The following KCNN2 variants were observed in gnomAD, a reference collection of about 807,000 sequenced individuals.
KCNN2 encodes the protein small conductance calcium-activated potassium channel protein 2.
Under a neutral mutation model 55.5 loss-of-function variants are expected in KCNN2, and 24 were observed. The ratio of observed to expected loss-of-function variants is 0.43; its 90% CI spans 0.31 to 0.61. The LOEUF (loss-of-function observed/expected upper bound fraction) is 0.61, where lower values mean the gene tolerates loss of function less well. KCNN2 is among the 20% of genes least tolerant of loss of function. The pLI is 0.08. For missense variants in KCNN2, 754 were observed against 853.6 expected (o/e 0.88, Z 1.45); for synonymous variants, 431 against 336.1 (o/e 1.28, Z -3.09).
chr5:114,155,143 G>A lies in KCNN2; in HGVS notation c.-270-66337G>A, dbSNP rs892255588. The stretch of plus-strand genomic sequence containing the variant: ...ACTAAGTGAGAACATGTGGTATTTG[G>A]TTTTCTGTTCCTGTGTTATTTCGCT... On this transcript the variant is annotated intron_variant, in intron 1 of 10. Coordinates refer to the KCNN2 transcript ENST00000512097. 6.6e-5 allele frequency among the ~76,000 whole-genome samples: 10 copies of A among 151,686 alleles called. No homozygotes were observed. The South Asian group carries it at 1.0e-3, about 16-fold the overall frequency.
At chr5:114,263,275 A>G (rs72799614) in intron 2 of KCNN2, among the ~76,000 whole-genome samples, 7,438 of 152,302 alleles carry the variant, frequency 0.049, 243 homozygotes, top group Admixed American at 0.082. Flanking sequence ...GAAACCTGAG[A>G]GACATTCCAT....
intron 2 of KCNN2, among the ~76,000 whole-genome samples, chr5:114,312,376 A>T (rs1421199074): frequency 2.9e-5 from 4 of 137,558 alleles, no homozygotes; most frequent in Non-Finnish European, 6.2e-5. Context: ...CTGTGAAATA[A>T]AAAAGGAGAT....
chr5:114,156,767 T>TC (rs1331785549), intron 1 of KCNN2, among the ~76,000 whole-genome samples: 1 of 152,006 alleles, frequency 6.6e-6, no homozygotes, highest in African/African-American at 2.4e-5. Context: ...CTCTTTTTTT[T>TC]CCTAAATTCA....
intron 1 of KCNN2, among the ~76,000 whole-genome samples, chr5:114,218,520 G>A (rs1464835751): frequency 6.6e-6 from 1 of 152,168 alleles, no homozygotes; most frequent in Non-Finnish European, 1.5e-5. Flanking sequence ...TTCTAGCTAT[G>A]TGACATTATG....
chr5:114,478,781 G>T lies in KCNN2; in HGVS notation c.1890+5617G>T, dbSNP rs560139334. 2.0e-5 allele frequency among the ~76,000 whole-genome samples: 3 copies of T among 152,200 alleles called. No homozygotes were observed. In the East Asian group the frequency reaches 5.8e-4, roughly 29 times the overall value. ...TAAAGAATTTCCAACCTAGAATTTC[G>T]TTATCTGGCCAAACTAAGCTTCGTA... On this transcript the variant is annotated intron_variant, in intron 5 of 7. Coordinates refer to ENST00000673685, the MANE Select transcript of KCNN2 (RefSeq NM_021614.4).
intron 2 of KCNN2, among the ~76,000 whole-genome samples, chr5:114,270,184 A>C (rs1414600106): frequency 6.6e-6 from 1 of 152,240 alleles, no homozygotes; most frequent in Middle Eastern, 3.2e-3. Context: ...ATAAATAATC[A>C]TATGAGCTCT....
chr5:114,151,549 A>G (rs1403609507), intron 1 of KCNN2, among the ~76,000 whole-genome samples: 1 of 136,478 alleles, frequency 7.3e-6, no homozygotes, highest in Non-Finnish European at 1.5e-5. Context: ...GATGTCCCAG[A>G]AAAAAAAAAA....
chr5:114,141,892 C>T (rs1362391564), intron 1 of KCNN2, among the ~76,000 whole-genome samples: 2 of 152,282 alleles, frequency 1.3e-5, no homozygotes, highest in African/African-American at 4.8e-5. Flanking sequence ...TGATGATGAG[C>T]GTTTTTTCAT....
rs187331498 is a variant in KCNN2 at position 114,400,863 on chromosome 5, T to C, written c.1219-3575T>C. Among the ~76,000 whole-genome samples, 317 of 152,344 alleles carry C rather than the reference T, an allele frequency of 2.1e-3. 1 individual carries two copies. Among genetic ancestry groups the C allele is most frequent in the Non-Finnish European group, 3.6e-3 (248 of 68,030 alleles). On this transcript the variant is annotated intron_variant, in intron 2 of 7. Coordinates refer to ENST00000673685, the MANE Select transcript of KCNN2 (RefSeq NM_021614.4). ...TTTTTCCTGATGACCACATCTACTGTCATCTCTAATGCATTATTCTCTATT... is the reference window on the plus strand; with the variant it reads ...TTTTTCCTGATGACCACATCTACTGCCATCTCTAATGCATTATTCTCTATT...
intron 1 of KCNN2, among the ~76,000 whole-genome samples, chr5:114,150,301 T>C (rs1468679785): frequency 6.6e-6 from 1 of 152,114 alleles, no homozygotes; most frequent in Admixed American, 6.6e-5. Context: ...AAAACAGAGA[T>C]ATAGACCAAT....
chr5:114,199,848 A>C (rs6594794), intron 1 of KCNN2, among the ~76,000 whole-genome samples: 149,825 of 152,172 alleles, frequency 0.98, 73,816 homozygotes, highest in Middle Eastern at 1. Context: ...TCTCTTTGAG[A>C]CTGTAAAGTT....
At chr5:114,464,773 T>TAAAAG (rs1761362667) in intron 4 of KCNN2, among the ~76,000 whole-genome samples, 1 of 152,048 alleles carries the variant, frequency 6.6e-6, no homozygotes, top group African/African-American at 2.4e-5. Flanking sequence ...TATTTGCCTT[T>TAAAAG]AAAAGAAAAA....
chr5:114,264,011 G>T (rs1755161570), intron 2 of KCNN2, among the ~76,000 whole-genome samples: 1 of 152,180 alleles, frequency 6.6e-6, no homozygotes, highest in South Asian at 2.1e-4. Context: ...CCACCCAGCT[G>T]TGTAGTGCAG....
chr5:114,453,571 A>G (rs1168255982), intron 3 of KCNN2, among the ~76,000 whole-genome samples: 1 of 152,218 alleles, frequency 6.6e-6, no homozygotes, highest in Non-Finnish European at 1.5e-5. Context: ...AGTCAAAGAA[A>G]TAGAAGAACA....
chr5:114,200,351 C>T lies in KCNN2; in HGVS notation c.-270-21129C>T, dbSNP rs146530093. 2.8e-3 allele frequency among the ~76,000 whole-genome samples: 418 copies of T among 150,948 alleles called. 3 individuals are homozygous for T. Among genetic ancestry groups the T allele is most frequent in the African/African-American group, 9.6e-3 (398 of 41,322 alleles). ...AATGAATTTTTTACTTTCAGAATTT[C>T]TGCTTTTTTTTTTCTTTTCTCTAAG... On this transcript the variant is annotated intron_variant, in intron 1 of 10. Coordinates refer to the KCNN2 transcript ENST00000512097.
At chr5:114,377,173 C>T (rs1299641488) in intron 2 of KCNN2, among the ~76,000 whole-genome samples, 2 of 152,190 alleles carry the variant, frequency 1.3e-5, no homozygotes, top group African/African-American at 4.8e-5. Context: ...ACCCAGTGCT[C>T]ACTGAGTCCA....
intron 4 of KCNN2, among the ~76,000 whole-genome samples, chr5:114,467,930 T>G (rs1422484477): frequency 6.6e-6 from 1 of 152,164 alleles, no homozygotes; most frequent in Non-Finnish European, 1.5e-5. Context: ...TCATTGTTGA[T>G]GACCAGTTTT....
At chr5:114,078,447 G>A (rs1284599569) in intron 1 of KCNN2, among the ~76,000 whole-genome samples, 1 of 152,110 alleles carries the variant, frequency 6.6e-6, no homozygotes, top group African/African-American at 2.4e-5. Context: ...TCATCATCGA[G>A]TATGGCACCA....
chr5:114,260,030 C>T (rs1377494145), intron 2 of KCNN2, among the ~76,000 whole-genome samples: 3 of 152,170 alleles, frequency 2.0e-5, no homozygotes, highest in South Asian at 4.1e-4. Flanking sequence ...TCCCAGCCCT[C>T]GTCTGATTCA....
Sources: allele counts gnomAD v4.1 joint callset (sites outside exome capture counted in the v4.1 genomes callset), GRCh38; gene constraint gnomAD v4.1.1; transcripts MANE v1.5; gene names NCBI Gene and HGNC (gene_info 2026-07-23, HGNC 2026-07-21).